Variants in NIPAL2 observed in about 807,000 individuals in gnomAD.
NIPAL2 encodes NIPA like domain containing 2.
A neutral mutation model predicts 48.9 loss-of-function variants in NIPAL2; 43 were observed. The ratio of observed to expected loss-of-function variants is 0.88; its 90% CI spans 0.69 to 1.13. The LOEUF (loss-of-function observed/expected upper bound fraction) is 1.13, where lower values mean the gene tolerates loss of function less well. NIPAL2 is among the 50% of genes most tolerant of loss of function. The pLI, the probability that NIPAL2 is intolerant of heterozygous loss-of-function variation, is 0.00. For missense variants in NIPAL2, 446 were observed against 461.4 expected, an observed-to-expected ratio of 0.97 and a Z score of 0.31; for synonymous variants, 167 against 174.6, an observed-to-expected ratio of 0.96 and a Z score of 0.34.
chr8:98,266,600 A>G (rs1814766874), intron 1 of NIPAL2, among the ~76,000 whole-genome samples: 1 of 151,864 alleles, frequency 6.6e-6, no homozygotes, highest in Non-Finnish European at 1.5e-5. Flanking sequence ...GGCCATGTCT[A>G]AATCCTGTGA....
intron 1 of NIPAL2, among the ~76,000 whole-genome samples, chr8:98,263,813 A>G (rs1814526362): frequency 1.5e-4 from 1 of 6,464 alleles, no homozygotes; most frequent in Non-Finnish European, 2.5e-4. Flanking sequence ...AAAGCCAGGC[A>G]GAGACACAAC....
At chr8:98,260,428 GT>G (rs1482838642) in intron 1 of NIPAL2, among the ~76,000 whole-genome samples, 2 of 151,214 alleles carry the variant, frequency 1.3e-5, no homozygotes, top group African/African-American at 4.9e-5. Flanking sequence ...CGCGCACCGT[GT>G]GCGAGCCGAA....
intron 4 of NIPAL2, among the ~76,000 whole-genome samples, chr8:98,229,134 G>GC (rs1484761269): frequency 6.6e-6 from 1 of 152,142 alleles, no homozygotes. Flanking sequence ...GCCATCCTCT[G>GC]CCCTCATGCC....
intron 1 of NIPAL2, among the ~76,000 whole-genome samples, chr8:98,265,248 A>C (rs2130862995): frequency 1.3e-5 from 2 of 151,854 alleles, no homozygotes; most frequent in Non-Finnish European, 2.9e-5. Flanking sequence ...AAAACACCAA[A>C]AGCAATGGCA....
chr8:98,267,422 C>T (rs1451631955), intron 1 of NIPAL2, among the ~76,000 whole-genome samples: 2 of 151,230 alleles, frequency 1.3e-5, no homozygotes, highest in African/African-American at 2.4e-5. Flanking sequence ...CTTCTGGGTT[C>T]AAGCAATCTT....
intron 9 of NIPAL2, 105 bp from the exon 10 acceptor site, chr8:98,194,927 T>C (rs1185160510): frequency 1.7e-6 from 1 of 602,072 alleles, no homozygotes; most frequent in East Asian, 3.3e-5. Context: ...CCCATTGGTT[T>C]TGTTCTTCCA....
At chr8:98,245,396 T>C (rs1366209302) in intron 3 of NIPAL2, among the ~76,000 whole-genome samples, 1 of 152,128 alleles carries the variant, frequency 6.6e-6, no homozygotes, top group African/African-American at 2.4e-5. Flanking sequence ...AAAAATGTCA[T>C]CTTACAGCGG....
chr8:98,224,755 C>CTTTTTTTTTTTTTTTTTTTT (rs371936351), intron 4 of NIPAL2, among the ~76,000 whole-genome samples: 38 of 123,758 alleles, frequency 3.1e-4, no homozygotes, highest in Non-Finnish European at 4.4e-4. Context: ...TCTTTCTTTT[C>CTTTTTTTTTTTTTTTTTTTT]TTTTTTTTTT....
At chr8:98,263,216 G>T (rs2130857729) in intron 1 of NIPAL2, among the ~76,000 whole-genome samples, 1 of 129,386 alleles carries the variant, frequency 7.7e-6, no homozygotes, top group East Asian at 2.2e-4. Flanking sequence ...ACAATTAAAA[G>T]AACTAGAAAA....
chr8:98,223,059 TCATCCCTGGGGCTTTG>T (rs1376325785), intron 4 of NIPAL2, among the ~76,000 whole-genome samples: 3 of 152,212 alleles, frequency 2.0e-5, no homozygotes, highest in Non-Finnish European at 2.9e-5. Flanking sequence ...CTACACTCAC[TCATCCCTGGGGCTTTG>T]AAGCACCCTC....
chr8:98,282,742 G>A (rs896420), intron 1 of NIPAL2, among the ~76,000 whole-genome samples: 10 of 152,074 alleles, frequency 6.6e-5, no homozygotes. Context: ...TCTGAACTAC[G>A]GTAATGCTTT....
intron 8 of NIPAL2, among the ~76,000 whole-genome samples, chr8:98,197,352 T>A (rs573876870): frequency 3.3e-5 from 5 of 152,376 alleles, no homozygotes; most frequent in African/African-American, 9.6e-5. Flanking sequence ...CTAATGATCA[T>A]CTGAGCTTGC....
chr8:98,270,923 G>A lies in NIPAL2; in HGVS notation c.136-16836C>T, dbSNP rs956360010. ...AGTTTTATTCTTCTGCATTTGGTTA[G>A]CCAGTTTTTCCAGAACCATTTATTG... On this transcript the variant is annotated intron_variant, in intron 1 of 10. Coordinates refer to ENST00000430223, the MANE Select transcript of NIPAL2 (RefSeq NM_001321635.2). Among the ~76,000 whole-genome samples the A allele has an allele frequency of 5.9e-5, 9 of 152,120 alleles. No homozygotes were observed. In the South Asian group the frequency reaches 1.9e-3, roughly 32 times the overall value.
intron 1 of NIPAL2, among the ~76,000 whole-genome samples, chr8:98,281,930 G>C (rs562309620): frequency 6.6e-6 from 1 of 152,314 alleles, no homozygotes; most frequent in South Asian, 2.1e-4. Context: ...AGAGTCAGGA[G>C]GATACCTGTG....
At chr8:98,292,313 C>T (rs547661667) in intron 1 of NIPAL2, among the ~76,000 whole-genome samples, 6 of 152,292 alleles carry the variant, frequency 3.9e-5, no homozygotes, top group South Asian at 4.1e-4. Flanking sequence ...AAATGCTTCT[C>T]GAGTAAACTT....
intron 1 of NIPAL2, among the ~76,000 whole-genome samples, chr8:98,287,220 A>ATATATTTCAT (rs1816228630): frequency 6.6e-6 from 1 of 152,194 alleles, no homozygotes; most frequent in Non-Finnish European, 1.5e-5. Context: ...AGGGTCTATG[A>ATATATTTCAT]AATATGATGA....
intron 1 of NIPAL2, among the ~76,000 whole-genome samples, chr8:98,293,682 A>C (rs993526518): frequency 6.6e-6 from 1 of 152,132 alleles, no homozygotes; most frequent in Non-Finnish European, 1.5e-5. Flanking sequence ...CTTCCGGGAG[A>C]AGAGGGCGGA....
At chr8:98,244,345 AGGGTGGG>A (rs1813160647) in intron 3 of NIPAL2, among the ~76,000 whole-genome samples, 8 of 19,712 alleles carry the variant, frequency 4.1e-4, no homozygotes, top group South Asian at 2.3e-3. Context: ...TAATGATGAG[AGGGTGGG>A]CGTGGTGATG....
intron 1 of NIPAL2, among the ~76,000 whole-genome samples, chr8:98,290,565 T>C (rs1816437708): frequency 1.3e-5 from 2 of 152,188 alleles, no homozygotes; most frequent in South Asian, 2.1e-4. Context: ...GGTCCAACTT[T>C]AATTTTTACC....
Sources: allele counts gnomAD v4.1 joint callset (sites outside exome capture counted in the v4.1 genomes callset), GRCh38; gene constraint gnomAD v4.1.1; transcripts MANE v1.5; gene names NCBI Gene and HGNC (gene_info 2026-07-23, HGNC 2026-07-21).